Variants in ELMO1 observed in about 807,000 individuals in gnomAD.
ELMO1 encodes the protein engulfment and cell motility 1.
ELMO1 carries 26 observed loss-of-function variants against 98.9 expected under a neutral mutation model. The observed-to-expected ratio is 0.26, with a 90% CI of 0.19 to 0.36. The LOEUF (loss-of-function observed/expected upper bound fraction) is 0.36, where lower values mean the gene tolerates loss of function less well. Among genes scored for constraint, ELMO1 ranks in the 10% least tolerant of loss-of-function variants. The pLI is 1.00. For missense variants in ELMO1, 627 were observed against 935.2 expected (o/e 0.67, Z 4.30); for synonymous variants, 346 against 346.0 (o/e 1.00, Z 0.00).
At chr7:36,934,198 G>A (rs1013037183) in intron 16 of ELMO1, among the ~76,000 whole-genome samples, 7 of 152,166 alleles carry the variant, frequency 4.6e-5, no homozygotes, top group Admixed American at 4.6e-4. Flanking sequence ...CTAGGGCAAC[G>A]CGGATGACAA....
intron 2 of ELMO1, among the ~76,000 whole-genome samples, chr7:37,319,143 TAGAC>T (rs1490125458): frequency 1.3e-5 from 2 of 152,170 alleles, no homozygotes; most frequent in East Asian, 3.9e-4. Flanking sequence ...AACAGTCTGT[TAGAC>T]AGAACATTTT....
intron 16 of ELMO1, among the ~76,000 whole-genome samples, chr7:37,007,392 T>C (rs1332970145): frequency 6.6e-6 from 1 of 152,120 alleles, no homozygotes; most frequent in African/African-American, 2.4e-5. Flanking sequence ...CAACGCTGAG[T>C]CCTCCCAGCT....
Position 37,349,712 on chromosome 7 carries a change from C to T in ELMO1, c.-73-6949G>A, listed in dbSNP as rs1801172226. Among the ~76,000 whole-genome samples, 2 of 152,168 alleles carry T rather than the reference C, an allele frequency of 1.3e-5. 1 individual carries two copies. The highest frequency in any genetic ancestry group is 4.1e-4 in the South Asian group (2 of 4,826). ...CAGGTGATCTGCCCACCTCGGCCTC[C>T]CCAAGTGCTGGGATTATAGGCGTGA... On this transcript the variant is annotated intron_variant, in intron 1 of 21. Coordinates refer to ENST00000310758, the MANE Select transcript of ELMO1 (RefSeq NM_014800.11).
chr7:36,928,512 T>C (rs1785761033), intron 16 of ELMO1, among the ~76,000 whole-genome samples: 1 of 152,196 alleles, frequency 6.6e-6, no homozygotes, highest in Admixed American at 6.5e-5. Context: ...TATTACACCA[T>C]CGTTTTTTTT....
intron 16 of ELMO1, among the ~76,000 whole-genome samples, chr7:36,914,719 G>A (rs562139502): frequency 6.6e-6 from 1 of 152,072 alleles, no homozygotes; most frequent in African/African-American, 2.4e-5. Flanking sequence ...TCACCATATT[G>A]GCCAGGATGG....
intron 15 of ELMO1, among the ~76,000 whole-genome samples, chr7:37,093,999 C>T (rs1029981419): frequency 2.0e-5 from 3 of 148,616 alleles, no homozygotes; most frequent in Admixed American, 2.0e-4. Context: ...CCAGCTCATT[C>T]TTCCACTTTC....
At chr7:37,038,219 G>T (rs1049315287) in intron 15 of ELMO1, among the ~76,000 whole-genome samples, 1 of 152,032 alleles carries the variant, frequency 6.6e-6, no homozygotes, top group Non-Finnish European at 1.5e-5. Flanking sequence ...CCATCCCATT[G>T]GTTCCCATGT....
chr7:36,975,550 TTAAAAGA>T (rs1157849277), intron 16 of ELMO1, among the ~76,000 whole-genome samples: 1 of 151,920 alleles, frequency 6.6e-6, no homozygotes. Flanking sequence ...ATATTGACAT[TTAAAAGA>T]TAAAACTGGC....
intron 15 of ELMO1, among the ~76,000 whole-genome samples, chr7:37,037,732 AC>A (rs891807848): frequency 1.4e-4 from 22 of 152,208 alleles, no homozygotes; most frequent in African/African-American, 4.8e-4. Context: ...TCCCTCACCA[AC>A]CCAAAACATA....
chr7:37,095,040 T>C (rs1047352534), intron 15 of ELMO1, among the ~76,000 whole-genome samples: 2 of 152,134 alleles, frequency 1.3e-5, no homozygotes, highest in African/African-American at 4.8e-5. Context: ...AAGGTACACA[T>C]GGAGAGTGGG....
At chr7:37,206,006 G>A (rs1792594856) in intron 13 of ELMO1, among the ~76,000 whole-genome samples, 1 of 152,076 alleles carries the variant, frequency 6.6e-6, no homozygotes, top group Non-Finnish European at 1.5e-5. Context: ...AGCACCCAGT[G>A]TTCTTTCACC....
At chr7:37,119,170 T>G (rs890186622) in intron 14 of ELMO1, among the ~76,000 whole-genome samples, 1 of 152,216 alleles carries the variant, frequency 6.6e-6, no homozygotes, top group South Asian at 2.1e-4. Flanking sequence ...GCTGTGATCA[T>G]TGATGTTTAG....
At chr7:36,860,509 A>C (rs569094061) in intron 21 of ELMO1, among the ~76,000 whole-genome samples, 153 of 152,378 alleles carry the variant, frequency 1.0e-3, no homozygotes, top group Non-Finnish European at 1.7e-3. Context: ...GCAGATATGA[A>C]TAAAAATCTG....
intron 1 of ELMO1, among the ~76,000 whole-genome samples, chr7:37,344,774 T>C (rs1013417101): frequency 1.3e-5 from 2 of 152,254 alleles, no homozygotes; most frequent in African/African-American, 2.4e-5. Flanking sequence ...ATTTCTCTTA[T>C]TGTGAGTGAG....
At chr7:37,436,742 T>C (rs968515604) in intron 1 of ELMO1, among the ~76,000 whole-genome samples, 3 of 152,258 alleles carry the variant, frequency 2.0e-5, no homozygotes, top group South Asian at 4.1e-4. Flanking sequence ...GAGAGAGCGA[T>C]TGGAAATGGA....
At chr7:37,430,341 C>T (rs1044624042) in intron 1 of ELMO1, among the ~76,000 whole-genome samples, 1 of 152,214 alleles carries the variant, frequency 6.6e-6, no homozygotes, top group African/African-American at 2.4e-5. Flanking sequence ...GGCAAAGGCA[C>T]TCCACATGTA....
chr7:36,856,521 A>G (rs543954828), intron 21 of ELMO1, among the ~76,000 whole-genome samples: 1 of 152,262 alleles, frequency 6.6e-6, no homozygotes, highest in African/African-American at 2.4e-5. Flanking sequence ...CCTTCACAGT[A>G]CCCAACTAAG....
At chr7:37,346,472 T>C (rs1021053135) in intron 1 of ELMO1, among the ~76,000 whole-genome samples, 1 of 152,238 alleles carries the variant, frequency 6.6e-6, no homozygotes, top group African/African-American at 2.4e-5. Context: ...GTTAAGTAAT[T>C]ATAGTGTCTT....
In ELMO1 at chr7:37,135,112, C is replaced by T. The variant is rs907298268; in HGVS notation, c.1087-1878G>A. ...GGAGAAGGCCGGGCTGATCTGAACT[C>T]TCCATCTACTTGAGATCACCCAGCA... On this transcript the variant is annotated intron_variant, in intron 13 of 21. Transcript: ENST00000310758. Among the ~76,000 whole-genome samples, 8 of 152,300 alleles carry T rather than the reference C, an allele frequency of 5.3e-5. No homozygotes were observed. In the East Asian group the frequency reaches 1.4e-3, roughly 26 times the overall value.
Sources: gnomAD v4.1 joint callset for allele counts (sites outside exome capture counted in the v4.1 genomes callset) on GRCh38, gnomAD v4.1.1 for gene constraint, MANE v1.5 for transcripts, NCBI Gene and HGNC (gene_info 2026-07-23, HGNC 2026-07-21) for gene names.